The following MAP7 variants were observed in gnomAD, a reference collection of about 807,000 sequenced individuals.
The protein encoded by MAP7 is microtubule associated protein 7.
MAP7 carries 52 observed loss-of-function variants against 94.8 expected under a neutral mutation model. That is an observed-to-expected ratio of 0.55 (90% CI 0.44 to 0.69). The LOEUF is 0.69. Among genes scored for constraint, MAP7 ranks in the 30% least tolerant of loss-of-function variants. The pLI is 0.00. For synonymous variants in MAP7, 350 were observed against 357.0 expected (o/e 0.98, Z 0.22); for missense variants, 940 against 964.6 (o/e 0.97, Z 0.34).
intron 16 of MAP7, among the ~76,000 whole-genome samples, chr6:136,348,427 C>T (rs1181720692): frequency 6.6e-6 from 1 of 152,166 alleles, no homozygotes; most frequent in Non-Finnish European, 1.5e-5. Flanking sequence ...CTGGTAGAAA[C>T]TATAAAACTG....
chr6:136,450,152 C>T (rs991628706), intron 1 of MAP7, among the ~76,000 whole-genome samples: 4 of 152,120 alleles, frequency 2.6e-5, no homozygotes, highest in African/African-American at 9.7e-5. Flanking sequence ...CCACTGCACG[C>T]CAGCCTGGGT....
At chr6:136,426,909 CAA>C (rs1479426097) in intron 1 of MAP7, among the ~76,000 whole-genome samples, 2 of 152,170 alleles carry the variant, frequency 1.3e-5, no homozygotes, top group Non-Finnish European at 2.9e-5. Context: ...TGAAGTCTAA[CAA>C]GCCTGCTGGA....
chr6:136,543,010 G>T (rs1829450726), intron 1 of MAP7, among the ~76,000 whole-genome samples: 1 of 152,188 alleles, frequency 6.6e-6, no homozygotes, highest in African/African-American at 2.4e-5. Context: ...TACACTGTTT[G>T]TAAGAATGTA....
intron 3 of MAP7, among the ~76,000 whole-genome samples, chr6:136,397,859 G>T (rs963014425): frequency 6.6e-6 from 1 of 152,110 alleles, no homozygotes; most frequent in African/African-American, 2.4e-5. Context: ...TCATAAAGAG[G>T]CAGCTCCGTA....
chr6:136,344,327 C>G (rs542661770), intron 17 of MAP7, 89 bp from the exon 18 acceptor site: 1 of 500,218 alleles, frequency 2.0e-6, no homozygotes, highest in South Asian at 5.7e-5. Flanking sequence ...CCTTAAATTT[C>G]TAAAACTTAC....
At chr6:136,482,647 T>A (rs1394775941) in intron 1 of MAP7, among the ~76,000 whole-genome samples, 3 of 151,804 alleles carry the variant, frequency 2.0e-5, no homozygotes, top group Admixed American at 2.0e-4. Flanking sequence ...ACAGCACTAT[T>A]CATAATAGCA....
intron 1 of MAP7, among the ~76,000 whole-genome samples, chr6:136,480,864 CTATCTA>C (rs1812637616): frequency 2.0e-5 from 3 of 152,092 alleles, no homozygotes; most frequent in Admixed American, 2.0e-4. Flanking sequence ...TATTTGCAAA[CTATCTA>C]TTTGACAAGG....
At chr6:136,452,968 G>A (rs1261286743) in intron 1 of MAP7, among the ~76,000 whole-genome samples, 3 of 152,214 alleles carry the variant, frequency 2.0e-5, no homozygotes, top group African/African-American at 7.2e-5. Flanking sequence ...AAATTAGTGT[G>A]ACTGCCTTGT....
intron 5 of MAP7, among the ~76,000 whole-genome samples, chr6:136,387,014 G>A (rs998452800): frequency 2.0e-5 from 3 of 151,872 alleles, no homozygotes; most frequent in African/African-American, 7.3e-5. Flanking sequence ...TGGGGTCTAT[G>A]TTGCCCAGGC....
rs78675286 is a variant in MAP7, at chr6:136,541,136, G to A, written c.67+9206C>T. 1.9e-3 allele frequency among the ~76,000 whole-genome samples: 296 copies of A among 152,296 alleles called. 1 individual carries two copies. Among genetic ancestry groups the A allele is most frequent in the African/African-American group, 6.6e-3 (275 of 41,566 alleles). ...TGCGCCTGCCACCCCAAAGGCTTGG[G>A]TCAGGAGCTTCTGAGAACCAGAAGC... On this transcript the variant is annotated intron_variant, in intron 1 of 17. Coordinates refer to ENST00000354570, the MANE Select transcript of MAP7 (RefSeq NM_003980.6).
chr6:136,448,831 G>A (rs1456232657), intron 1 of MAP7, among the ~76,000 whole-genome samples: 1 of 152,056 alleles, frequency 6.6e-6, no homozygotes, highest in African/African-American at 2.4e-5. Context: ...TTTTCTATCA[G>A]TTGCCAAGAA....
intron 1 of MAP7, among the ~76,000 whole-genome samples, chr6:136,538,647 T>C (rs1417142315): frequency 6.6e-6 from 1 of 151,682 alleles, no homozygotes; most frequent in Non-Finnish European, 1.5e-5. Context: ...TAGCTGGTGC[T>C]AGGAATAGTG....
intron 2 of MAP7, among the ~76,000 whole-genome samples, chr6:136,421,132 T>C (rs1158725301): frequency 1.3e-5 from 2 of 152,240 alleles, no homozygotes; most frequent in African/African-American, 4.8e-5. Context: ...TGCTTCTTTG[T>C]ATCACTGAAT....
Position 136,343,077 on chromosome 6 carries a change from T to C in MAP7, c.*1151A>G, listed in dbSNP as rs1562290365. ...CACCCTCTCCTTCTACATTTAATCA[T>C]TAGTAGTCTCTAAAATGGTAAAATA... On this transcript the variant is annotated 3_prime_UTR_variant, in exon 18 of 18. Coordinates refer to ENST00000354570, the MANE Select transcript of MAP7 (RefSeq NM_003980.6). 1 of 152,602 alleles carries C rather than the reference T, an allele frequency of 6.6e-6. No individual in the cohort carries two copies. The highest frequency in any genetic ancestry group is 1.5e-5 in the Non-Finnish European group (1 of 68,032). 9.5% of individuals were successfully genotyped at this position (152,602 alleles called of 1,614,324 possible). A position where few individuals can be genotyped will look rare whatever the true frequency, so the allele number is the denominator to read the frequency against.
intron 3 of MAP7, among the ~76,000 whole-genome samples, chr6:136,400,907 T>G (rs972265562): frequency 1.3e-5 from 2 of 152,258 alleles, no homozygotes; most frequent in Non-Finnish European, 1.5e-5. Flanking sequence ...ACTGGAACTT[T>G]CTTTGTCTTC....
At chr6:136,500,443 C>A (rs1391895807) in intron 1 of MAP7, among the ~76,000 whole-genome samples, 5 of 152,186 alleles carry the variant, frequency 3.3e-5, no homozygotes, top group Non-Finnish European at 7.3e-5. Context: ...TGCGTCTGTA[C>A]ACTTATGGAG....
At chr6:136,359,940 A>G (rs1370226658) in intron 14 of MAP7, 41 bp downstream of exon 14, 4 of 1,609,772 alleles carry the variant, frequency 2.5e-6, no homozygotes, top group Non-Finnish European at 1.7e-6. Context: ...TGAAAAAGAT[A>G]AAAGCATACA....
chr6:136,423,830 T>G (rs1269952115), intron 1 of MAP7, among the ~76,000 whole-genome samples: 4 of 151,104 alleles, frequency 2.6e-5, no homozygotes, highest in Non-Finnish European at 5.9e-5. Flanking sequence ...AGTTTCGCTC[T>G]TGTTGCCCAG....
intron 16 of MAP7, among the ~76,000 whole-genome samples, chr6:136,349,287 G>A (rs554132226): frequency 6.6e-6 from 1 of 152,106 alleles, no homozygotes; most frequent in South Asian, 2.1e-4. Context: ...TATATTTCAA[G>A]TATTTTATAA....
Sources: gnomAD v4.1 joint callset for allele counts (sites outside exome capture counted in the v4.1 genomes callset) on GRCh38, gnomAD v4.1.1 for gene constraint, MANE v1.5 for transcripts, NCBI Gene and HGNC (gene_info 2026-07-23, HGNC 2026-07-21) for gene names.